The following DCC variants were observed in gnomAD, a reference collection of about 807,000 sequenced individuals.
The protein encoded by DCC is netrin receptor DCC.
A neutral mutation model predicts 172.5 loss-of-function variants in DCC; 58 were observed. The observed-to-expected ratio is 0.34, with a 90% CI of 0.27 to 0.42. The LOEUF is 0.42. Among genes scored for constraint, DCC ranks in the 10% least tolerant of loss-of-function variants. DCC has a pLI of 1.00. For synonymous variants in DCC, 709 were observed against 644.5 expected (o/e 1.10, Z -1.52); for missense variants, 1,740 against 1,791.0 (o/e 0.97, Z 0.51).
At chr18:52,818,556 T>C (rs1049610600) in intron 2 of DCC, among the ~76,000 whole-genome samples, 21 of 152,162 alleles carry the variant, frequency 1.4e-4, no homozygotes, top group African/African-American at 5.1e-4. Context: ...ACTGAGCTTA[T>C]TGATGCAAAT....
intron 7 of DCC, among the ~76,000 whole-genome samples, chr18:53,132,009 C>T (rs1287471861): frequency 9.0e-6 from 1 of 110,850 alleles, no homozygotes; most frequent in African/African-American, 3.4e-5. Context: ...TTGGCTAAGG[C>T]TAAGACAGAT....
intron 2 of DCC, among the ~76,000 whole-genome samples, chr18:52,770,157 C>A (rs1480889831): frequency 6.6e-6 from 1 of 152,188 alleles, no homozygotes; most frequent in Non-Finnish European, 1.5e-5. Flanking sequence ...TCCCTTCTCT[C>A]TCTTTTCCTC....
chr18:53,290,376 T>C (rs1389577555), intron 12 of DCC, among the ~76,000 whole-genome samples: 1 of 152,214 alleles, frequency 6.6e-6, no homozygotes, highest in Non-Finnish European at 1.5e-5. Context: ...TTTTCCTTAT[T>C]TCTCCAAAAC....
intron 7 of DCC, among the ~76,000 whole-genome samples, chr18:53,106,833 A>G (rs757954590): frequency 3.9e-5 from 6 of 151,954 alleles, no homozygotes; most frequent in African/African-American, 7.2e-5. Context: ...AAGGTAACAA[A>G]AGCAAAAAAT....
At chr18:53,393,194 C>T (rs965195753) in intron 17 of DCC, among the ~76,000 whole-genome samples, 1 of 152,156 alleles carries the variant, frequency 6.6e-6, no homozygotes, top group Admixed American at 6.5e-5. Flanking sequence ...AGCTAAATCC[C>T]ACCACCAATC....
chr18:53,496,184 C>T (rs1201377461), intron 26 of DCC, among the ~76,000 whole-genome samples: 12 of 150,770 alleles, frequency 8.0e-5, no homozygotes, highest in Admixed American at 7.3e-4. Context: ...CCAGTTGGAG[C>T]TGACAGACAC....
At chr18:53,469,411 A>G (rs1443654952) in intron 25 of DCC, among the ~76,000 whole-genome samples, 1 of 152,182 alleles carries the variant, frequency 6.6e-6, no homozygotes, top group Non-Finnish European at 1.5e-5. Context: ...TCATAGTTAC[A>G]CTTTATAAGA....
At chr18:52,973,759 G>A (rs2041067618) in intron 5 of DCC, among the ~76,000 whole-genome samples, 1 of 152,194 alleles carries the variant, frequency 6.6e-6, no homozygotes, top group Non-Finnish European at 1.5e-5. Context: ...ACATGCTGGT[G>A]TGAATAGAGA....
rs2041222631 is a variant in DCC at position 52,982,186 on chromosome 18, G to A, written c.985+56816G>A. Reference sequence around the variant, plus strand: ...TTAAATTTACAGAGGGAGGATAGAGGGGCAGGATTTTAAAAAGTATGGAAC... The same window carrying A: ...TTAAATTTACAGAGGGAGGATAGAGAGGCAGGATTTTAAAAAGTATGGAAC... On this transcript the variant is annotated intron_variant, in intron 5 of 28. Coordinates refer to ENST00000442544, the MANE Select transcript of DCC (RefSeq NM_005215.4). 3.9e-5 allele frequency among the ~76,000 whole-genome samples: 6 copies of A among 151,956 alleles called. No individual in the cohort carries two copies. The South Asian group carries it at 1.2e-3, about 32-fold the overall frequency.
chr18:52,805,008 C>T (rs907601302), intron 2 of DCC, among the ~76,000 whole-genome samples: 2 of 152,230 alleles, frequency 1.3e-5, no homozygotes, highest in East Asian at 3.9e-4. Flanking sequence ...CAAGTCTAGC[C>T]TCTGCCACTA....
intron 18 of DCC, among the ~76,000 whole-genome samples, chr18:53,398,473 G>C (rs1909093880): frequency 6.6e-6 from 1 of 151,964 alleles, no homozygotes. Context: ...AATGTTCACA[G>C]CTTCTTAGGG....
chr18:52,855,807 C>G (rs1213858575), intron 2 of DCC, among the ~76,000 whole-genome samples: 1 of 134,708 alleles, frequency 7.4e-6, no homozygotes, highest in Non-Finnish European at 1.6e-5. Flanking sequence ...CTCTTGTTGC[C>G]CAGACTGGAG....
chr18:53,305,976 G>A (rs1172637526), intron 13 of DCC, among the ~76,000 whole-genome samples: 2 of 152,006 alleles, frequency 1.3e-5, no homozygotes, highest in African/African-American at 4.8e-5. Context: ...TCTCAGCATT[G>A]CTGATTCAAC....
At chr18:52,388,235 G>A (rs1330912811) in intron 1 of DCC, among the ~76,000 whole-genome samples, 3 of 151,906 alleles carry the variant, frequency 2.0e-5, no homozygotes, top group Non-Finnish European at 4.4e-5. Flanking sequence ...ATTAGGAGAA[G>A]GCAACTTTTC....
At chr18:52,955,010 C>A (rs2040718485) in intron 5 of DCC, among the ~76,000 whole-genome samples, 1 of 152,120 alleles carries the variant, frequency 6.6e-6, no homozygotes, top group Non-Finnish European at 1.5e-5. Context: ...CCATCCCACG[C>A]CTCAATGATG....
intron 2 of DCC, among the ~76,000 whole-genome samples, chr18:52,815,591 TTAA>T (rs1296261966): frequency 6.6e-6 from 1 of 152,156 alleles, no homozygotes; most frequent in Non-Finnish European, 1.5e-5. Context: ...CTGTGAGAAA[TTAA>T]TTTCTGCTGT....
intron 21 of DCC, among the ~76,000 whole-genome samples, chr18:53,433,517 G>A (rs1911753030): frequency 6.6e-6 from 1 of 152,128 alleles, no homozygotes; most frequent in African/African-American, 2.4e-5. Flanking sequence ...TTGGCTGACT[G>A]CTTTGCAATC....
chr18:53,034,133 G>A (rs982752881), intron 5 of DCC, among the ~76,000 whole-genome samples: 1 of 151,832 alleles, frequency 6.6e-6, no homozygotes, highest in African/African-American at 2.4e-5. Flanking sequence ...TTTAAATACT[G>A]TCTCTGTGTT....
intron 3 of DCC, among the ~76,000 whole-genome samples, chr18:52,920,894 A>G (rs942382697): frequency 6.6e-6 from 1 of 152,162 alleles, no homozygotes; most frequent in African/African-American, 2.4e-5. Flanking sequence ...TCTTAAATGT[A>G]TATTGCTGTG....
Sources: allele counts gnomAD v4.1 joint callset (sites outside exome capture counted in the v4.1 genomes callset), GRCh38; gene constraint gnomAD v4.1.1; transcripts MANE v1.5; gene names NCBI Gene and HGNC (gene_info 2026-07-23, HGNC 2026-07-21).